DOC2A: variants seen among roughly 807,000 people sequenced by gnomAD.
DOC2A encodes double C2 domain alpha.
DOC2A carries 28 observed loss-of-function variants against 40.6 expected under a neutral mutation model. That is an observed-to-expected ratio of 0.69 (90% CI 0.51 to 0.95). The LOEUF (loss-of-function observed/expected upper bound fraction) is 0.95, where lower values mean the gene tolerates loss of function less well. Among genes scored for constraint, DOC2A ranks in the 40% least tolerant of loss-of-function variants. DOC2A has a pLI of 0.00. For synonymous variants in DOC2A, 241 were observed against 236.9 expected (o/e 1.02, Z -0.16); for missense variants, 474 against 552.5 (o/e 0.86, Z 1.42).
In DOC2A at chr16:30,006,244, C is replaced by A; in HGVS notation, c.1145G>T (p.Arg382Leu). 1 of 1,593,212 alleles carries A rather than the reference C, an allele frequency of 6.3e-7. No homozygotes were observed. The highest frequency in any genetic ancestry group is 8.5e-7 in the Non-Finnish European group (1 of 1,171,030). ...CLQQPDAALE[R>L]WHTLTSELPP... ...CAGCTCACTGGTCAGGGTGTGCCAG[C>A]GCTCCAGGGCTGCGTCCGGCTGCTG... The change falls in exon 11 of 11, where the codon CGC becomes CTC. Residue 382 changes from arginine (R) to leucine (L), a missense_variant. Arg to Leu is a moderately radical substitution (Grantham distance 102). Coordinates refer to ENST00000350119, the MANE Select transcript of DOC2A (RefSeq NM_003586.3). The surrounding 1 kb of genome is among the most constrained non-coding windows in gnomAD (Gnocchi z 6.2).
chr16:30,008,518 T>G, intron 5 of DOC2A: 1 of 174,368 alleles, frequency 5.7e-6, no homozygotes, highest in Non-Finnish European at 1.2e-5. Flanking sequence ...TACTTTTGTT[T>G]TGTTTTTGAG....
At chr16:30,007,332 G>A (rs1466949443) in intron 5 of DOC2A, 33 bp from the exon 6 acceptor site, 2 of 1,613,336 alleles carry the variant, frequency 1.2e-6, no homozygotes, top group Non-Finnish European at 1.7e-6. Context: ...GGGCCCCTGG[G>A]GTACCTGAGC....
chr16:30,006,314 G>A lies in DOC2A; in HGVS notation c.1075C>T (p.Pro359Ser), dbSNP rs771408208. The part of the protein sequence containing the change: ...NDFIGGVSLG[P>S]GARGEARKHW... ...TTCCGAGCCTCGCCTCGGGCACCTG[G>A]CCCCAGGGACACGCCACCTGGGGAG... Residue 359 changes from proline to serine, a missense_variant, in exon 11 of 11, where the codon CCA (proline) becomes TCA (serine). Coordinates refer to ENST00000350119, the MANE Select transcript of DOC2A (RefSeq NM_003586.3). The surrounding 1 kb of genome is among the most constrained non-coding windows in gnomAD (Gnocchi z 6.2). The A allele has an allele frequency of 6.2e-7, 1 of 1,611,634 alleles. No homozygotes were observed. The highest frequency in any genetic ancestry group is 8.5e-7 in the Non-Finnish European group (1 of 1,179,604).
At chr16:30,015,456 C>T (rs983289998), upstream of DOC2A, among the ~76,000 whole-genome samples, 3 of 152,124 alleles carry the variant, frequency 2.0e-5, no homozygotes, top group Admixed American at 6.5e-5. Flanking sequence ...GCTGGGATTA[C>T]AGGCACCCGC....
Position 30,010,440 on chromosome 16 carries a change from A to G in DOC2A, c.-13-205T>C, listed in dbSNP as rs1165134453. ...TGACTCCACAGGGGCTGGGCTGCCAACCCACTCCTTGCAGAAGTCGAGGTT... is the reference window on the plus strand; with the variant it reads ...TGACTCCACAGGGGCTGGGCTGCCAGCCCACTCCTTGCAGAAGTCGAGGTT... On this transcript the variant is annotated intron_variant, in intron 1 of 10. Coordinates refer to ENST00000350119, the MANE Select transcript of DOC2A (RefSeq NM_003586.3). The surrounding 1 kb of genome is among the most constrained non-coding windows in gnomAD (Gnocchi z 4.2). 1 of 660,696 alleles carries G rather than the reference A, an allele frequency of 1.5e-6. No homozygotes were observed. The highest frequency in any genetic ancestry group is 2.4e-5 in the Admixed American group (1 of 41,162). 40.9% of individuals were successfully genotyped at this position (660,696 alleles called of 1,614,324 possible). A position where few individuals can be genotyped will look rare whatever the true frequency, so the allele number is the denominator to read the frequency against.
In DOC2A at chr16:30,010,391, G is replaced by T; in HGVS notation, c.-13-156C>A. 2 of 1,022,296 alleles carry T rather than the reference G, an allele frequency of 2.0e-6. No homozygotes were observed. The highest frequency in any genetic ancestry group is 1.5e-6 in the Non-Finnish European group (1 of 679,732). The allele number at this position is 1,022,296 out of a possible 1,614,324, so 63.3% of individuals were successfully genotyped here. ...TGTGCCAGCCGGTGGCAGGTGGGAGGCCTGGGCCCTGCAGACCCCAAGCTG... is the reference window on the plus strand; with the variant it reads ...TGTGCCAGCCGGTGGCAGGTGGGAGTCCTGGGCCCTGCAGACCCCAAGCTG... On this transcript the variant is annotated intron_variant, in intron 1 of 10. Transcript: ENST00000350119. This position sits in a 1 kb window ranked among gnomAD's most constrained non-coding sequence, Gnocchi z 4.2.
At chr16:30,015,524 C>T (rs1442263854), upstream of DOC2A, among the ~76,000 whole-genome samples, 1 of 152,078 alleles carries the variant, frequency 6.6e-6, no homozygotes, top group Non-Finnish European at 1.5e-5. Flanking sequence ...ACCATGTTGG[C>T]CAGGCTGATC....
upstream of DOC2A, among the ~76,000 whole-genome samples, chr16:30,015,940 G>C (rs1378741268): frequency 7.1e-6 from 1 of 141,170 alleles, no homozygotes; most frequent in Non-Finnish European, 1.5e-5. Flanking sequence ...TCAAACTCCT[G>C]GCCTCAAGCC....
At chr16:30,014,253 C>A (rs544400389), upstream of DOC2A, among the ~76,000 whole-genome samples, 1 of 150,810 alleles carries the variant, frequency 6.6e-6, no homozygotes, top group Admixed American at 6.6e-5. Context: ...GCAATCCTCC[C>A]GCTTCGGCCT....
rs1806793060 is a variant in DOC2A, at chr16:30,009,287, G to T, written c.343-11C>A. ...CATGGGCTTGAGGCCCTGGAGAGGA[G>T]GGCAGGGGAGAGGGCTAGAGGCTCC... On this transcript the variant is annotated splice_polypyrimidine_tract_variant and intron_variant, in intron 3 of 10. Coordinates refer to ENST00000350119, the MANE Select transcript of DOC2A (RefSeq NM_003586.3). The surrounding 1 kb of genome is among the most constrained non-coding windows in gnomAD (Gnocchi z 4.1). 1 of 1,553,980 alleles carries T rather than the reference G, an allele frequency of 6.4e-7. No homozygotes were observed. The highest frequency in any genetic ancestry group is 8.7e-7 in the Non-Finnish European group (1 of 1,148,434).
rs2070709988 is a variant in DOC2A, at chr16:30,009,329, C to T, written c.343-53G>A. On this transcript the variant is annotated intron_variant, in intron 3 of 10. Transcript: ENST00000350119. This position sits in a 1 kb window ranked among gnomAD's most constrained non-coding sequence, Gnocchi z 4.1. ...AGAGGCTCCCGGCACCTCTCTCCATCCCTCTTGTAGAGCTGGACCCTGGAG... is the reference window on the plus strand; with the variant it reads ...AGAGGCTCCCGGCACCTCTCTCCATTCCTCTTGTAGAGCTGGACCCTGGAG... The T allele has an allele frequency of 2.0e-6, 3 of 1,524,444 alleles. No homozygotes were observed. In the Admixed American group the frequency reaches 5.9e-5, roughly 30 times the overall value. 94.4% of individuals were successfully genotyped at this position (1,524,444 alleles called of 1,614,324 possible).
chr16:30,017,451 C>T (rs564990850), intron 1 of DOC2A, among the ~76,000 whole-genome samples: 1 of 152,206 alleles, frequency 6.6e-6, no homozygotes, highest in East Asian at 1.9e-4. Flanking sequence ...CCATGGAATA[C>T]TATGCAGCCA....
chr16:30,005,585 A>G lies in DOC2A; in HGVS notation c.*601T>C, dbSNP rs918232040. ...TGACACAACCAGAAAAGGCGTAAAC[A>G]TGCACGGGTGTCCCCCAGGAGGGTG... is the stretch of plus-strand genomic sequence containing the variant. On this transcript the variant is annotated 3_prime_UTR_variant, in exon 11 of 11. Transcript: ENST00000350119. The G allele has an allele frequency of 3.8e-6, 3 of 788,802 alleles. No individual in the cohort carries two copies. Among genetic ancestry groups the G allele is most frequent in the African/African-American group, 3.6e-5 (2 of 55,640 alleles). 48.9% of individuals were successfully genotyped at this position (788,802 alleles called of 1,614,324 possible).
Position 30,007,308 on chromosome 16 carries a change from G to C in DOC2A, c.528-9C>G. On this transcript the variant is annotated splice_polypyrimidine_tract_variant and intron_variant, in intron 5 of 10. Transcript: ENST00000350119. ...CATCACAGACGGCGATCCTGGTCGG[G>C]AACTGCAGTGTCAGGGCCCCTGGGG... 1.9e-6 allele frequency: 3 copies of C among 1,613,706 alleles called. No homozygotes were observed. The highest frequency in any genetic ancestry group is 2.5e-6 in the Non-Finnish European group (3 of 1,180,028).
chr16:30,012,733 G>A (rs1354034676), upstream of DOC2A: 1 of 152,008 alleles, frequency 6.6e-6, no homozygotes, highest in Non-Finnish European at 1.5e-5. Flanking sequence ...AACACTGAGG[G>A]GGCGGGGCGC....
Position 30,010,006 on chromosome 16 carries a change from G to C in DOC2A, c.217C>G (p.Pro73Ala). 6.2e-7 allele frequency: 1 copy of C among 1,612,128 alleles called. No individual in the cohort carries two copies. Among genetic ancestry groups the C allele is most frequent in the Non-Finnish European group, 8.5e-7 (1 of 1,179,854 alleles). The change falls in exon 2 of 11, where the codon CCT (proline) becomes GCT (alanine). Residue 73 changes from proline (P) to alanine (A), a missense_variant. Transcript: ENST00000350119. This position sits in a 1 kb window ranked among gnomAD's most constrained non-coding sequence, Gnocchi z 4.2. ...PPAALLGATT[P>A]EDGAEVDSYD... Reference sequence around the variant, plus strand: ...CTGTCCACCTCCGCACCATCCTCAGGCGTGGTGGCCCCAAGGAGGGCTGCA... The same window carrying C: ...CTGTCCACCTCCGCACCATCCTCAGCCGTGGTGGCCCCAAGGAGGGCTGCA...
chr16:30,006,091 G>A lies in DOC2A; in HGVS notation c.*95C>T. ...CACAAAAATAGGTAGTGCAGGGTGG[G>A]GGCAGCCCACCCTGTGTAAACGTGC... On this transcript the variant is annotated 3_prime_UTR_variant, in exon 11 of 11. Coordinates refer to ENST00000350119, the MANE Select transcript of DOC2A (RefSeq NM_003586.3). This position sits in a 1 kb window ranked among gnomAD's most constrained non-coding sequence, Gnocchi z 6.2. 7.1e-7 allele frequency: 1 copy of A among 1,417,518 alleles called. No individual in the cohort carries two copies. The highest frequency in any genetic ancestry group is 9.4e-7 in the Non-Finnish European group (1 of 1,059,658). The allele number at this position is 1,417,518 out of a possible 1,614,324, so 87.8% of individuals were successfully genotyped here. A position where few individuals can be genotyped will look rare whatever the true frequency, so the allele number is the denominator to read the frequency against.
chr16:30,006,742 G>C lies in DOC2A; in HGVS notation c.878+43C>G. 1 of 1,613,928 alleles carries C rather than the reference G, an allele frequency of 6.2e-7. No homozygotes were observed. Among genetic ancestry groups the C allele is most frequent in the Non-Finnish European group, 8.5e-7 (1 of 1,179,950 alleles). ...GACAGGCCAGGCCCAACTCAGGCCAGGGCAGGCTCCCTGGGGAGGAGAGGG... is the reference window on the plus strand; with the variant it reads ...GACAGGCCAGGCCCAACTCAGGCCACGGCAGGCTCCCTGGGGAGGAGAGGG... On this transcript the variant is annotated intron_variant, in intron 8 of 10. Coordinates refer to ENST00000350119, the MANE Select transcript of DOC2A (RefSeq NM_003586.3). This position sits in a 1 kb window ranked among gnomAD's most constrained non-coding sequence, Gnocchi z 6.2.
chr16:30,007,215 C>T lies in DOC2A; in HGVS notation c.612G>A (p.Ser204=), dbSNP rs143560174. The T allele has an allele frequency of 8.3e-5, 134 of 1,614,020 alleles. No individual in the cohort carries two copies. In the African/African-American group the frequency reaches 1.3e-3, roughly 15 times the overall value. The change falls in exon 6 of 11, where the codon TCG becomes TCA. Residue 204 remains serine, a synonymous_variant. Coordinates refer to ENST00000350119, the MANE Select transcript of DOC2A (RefSeq NM_003586.3). ...IRVPLRRLKP[S]QKKHFNICLE... ...GGCAGATGTTAAAATGCTTCTTCTG[C>T]GAAGGCTTGAGGCGGCGGAGGGGCA...
Sources: allele counts gnomAD v4.1 joint callset (sites outside exome capture counted in the v4.1 genomes callset), GRCh38; gene constraint gnomAD v4.1.1; non-coding constraint Gnocchi (gnomAD v3.1); transcripts MANE v1.5; gene names NCBI Gene and HGNC (gene_info 2026-07-23, HGNC 2026-07-21).